DBF4B: variants seen among roughly 807,000 people sequenced by gnomAD.
The protein encoded by DBF4B is protein DBF4 homolog B.
DBF4B carries 49 observed loss-of-function variants against 53.4 expected under a neutral mutation model. The observed-to-expected ratio is 0.92, with a 90% confidence interval of 0.73 to 1.16. The LOEUF is 1.16. DBF4B is among the 50% of genes most tolerant of loss of function. The pLI is 0.00. For missense variants in DBF4B, 692 were observed against 775.0 expected, an observed-to-expected ratio of 0.89 and a Z score of 1.27; for synonymous variants, 257 against 288.7, an observed-to-expected ratio of 0.89 and a Z score of 1.11.
chr17:44,723,104 T>A (rs1307690446), intron 3 of DBF4B, 82 bp downstream of exon 3: 1 of 1,535,458 alleles, frequency 6.5e-7, no homozygotes, highest in African/African-American at 1.4e-5. Context: ...ATATCTATGG[T>A]TTCCAAGTAT....
At chr17:44,747,703 C>T (rs574714435) in intron 12 of DBF4B, among the ~76,000 whole-genome samples, 188 bp downstream of exon 12, 1 of 152,306 alleles carries the variant, frequency 6.6e-6, no homozygotes, top group East Asian at 1.9e-4. Context: ...AAAAGACCTC[C>T]ATTTGTGGCT....
chr17:44,735,099 A>G (rs900403346), intron 7 of DBF4B, among the ~76,000 whole-genome samples: 5 of 151,952 alleles, frequency 3.3e-5, no homozygotes, highest in East Asian at 1.9e-4. Context: ...TTCTGTCTCA[A>G]AAAAACATAA....
At chr17:44,743,897 C>T (rs1033972045) in intron 10 of DBF4B, among the ~76,000 whole-genome samples, 1 of 151,906 alleles carries the variant, frequency 6.6e-6, no homozygotes, top group Non-Finnish European at 1.5e-5. Flanking sequence ...TGTGGGCCAC[C>T]ACACCCAGCC....
At chr17:44,746,490 G>A (rs1976607862) in intron 10 of DBF4B, among the ~76,000 whole-genome samples, 3 of 152,072 alleles carry the variant, frequency 2.0e-5, no homozygotes, top group African/African-American at 7.2e-5. Flanking sequence ...TCTTGCTGCT[G>A]CCGTCACCAT....
intron 9 of DBF4B, among the ~76,000 whole-genome samples, chr17:44,739,799 C>T (rs951807255): frequency 6.6e-6 from 1 of 151,952 alleles, no homozygotes; most frequent in African/African-American, 2.4e-5. Flanking sequence ...GAGACGGAGT[C>T]TCACTCCATC....
At position 44,708,850 on chromosome 17, in the gene DBF4B, C is replaced by G. The variant is rs899620181; in HGVS notation, c.19+11C>G. On this transcript the variant is annotated intron_variant, in intron 1 of 13. Coordinates refer to ENST00000315005, the MANE Select transcript of DBF4B (RefSeq NM_145663.3). ...GCGAACCGGGAAAGGGTACGGATGCCGGGAAGGGGAGAAAGAAAGGCGGAA... is the reference window on the plus strand; with the variant it reads ...GCGAACCGGGAAAGGGTACGGATGCGGGGAAGGGGAGAAAGAAAGGCGGAA... 6.4e-7 allele frequency: 1 copy of G among 1,550,652 alleles called. No individual in the cohort carries two copies. Among genetic ancestry groups the G allele is most frequent in the Non-Finnish European group, 8.7e-7 (1 of 1,146,654 alleles).
At chr17:44,748,530 T>G in intron 13 of DBF4B, 65 bp downstream of exon 13, 3 of 1,606,254 alleles carry the variant, frequency 1.9e-6, no homozygotes, top group Non-Finnish European at 2.6e-6. Context: ...CAGGGACTGG[T>G]GAGGTACCTG....
chr17:44,727,669 C>G (rs986880988), intron 3 of DBF4B, among the ~76,000 whole-genome samples: 5 of 152,152 alleles, frequency 3.3e-5, no homozygotes, highest in Admixed American at 6.6e-5. Flanking sequence ...ACCAACCCTA[C>G]TTGGGCTTAA....
Position 44,730,096 on chromosome 17 carries a change from G to T in DBF4B, c.417G>T (p.Ser139=), listed in dbSNP as rs145385331. 14 of 1,611,972 alleles carry T rather than the reference G, an allele frequency of 8.7e-6. No individual in the cohort carries two copies. Among genetic ancestry groups the T allele is most frequent in the Non-Finnish European group, 1.2e-5 (14 of 1,179,868 alleles). Residue 139 remains serine, a splice_region_variant and synonymous_variant, in exon 4 of 14, where the codon TCG becomes TCT. Transcript: ENST00000315005. ...GGCCTTCACGGAAACCCGTTGACTC[G>T]GTAAGAACCTCATGTAGGAAAGGTA... ...HPRPSRKPVD[S]VPLSRGKELL...
At chr17:44,725,416 G>C (rs991019197) in intron 3 of DBF4B, among the ~76,000 whole-genome samples, 14 of 151,952 alleles carry the variant, frequency 9.2e-5, no homozygotes, top group Non-Finnish European at 1.8e-4. Flanking sequence ...TCTCATAATG[G>C]CTTAATTTAG....
At chr17:44,709,159 G>A in intron 1 of DBF4B, 145 bp from the exon 2 acceptor site, 6 of 1,072,368 alleles carry the variant, frequency 5.6e-6, no homozygotes, top group Non-Finnish European at 8.5e-6. Context: ...CGGGAGTCGC[G>A]GGATGTAGGT....
chr17:44,741,748 C>T (rs1209506762), intron 10 of DBF4B, among the ~76,000 whole-genome samples: 3 of 152,198 alleles, frequency 2.0e-5, no homozygotes, highest in African/African-American at 7.2e-5. Context: ...TGCTGAGATA[C>T]AGCACTCTTA....
intron 3 of DBF4B, among the ~76,000 whole-genome samples, chr17:44,727,590 C>G (rs1422054819): frequency 6.6e-6 from 1 of 152,214 alleles, no homozygotes; most frequent in East Asian, 1.9e-4. Flanking sequence ...GATTATATAA[C>G]CAAACTGGCC....
chr17:44,719,555 T>G (rs890032873), intron 2 of DBF4B, among the ~76,000 whole-genome samples: 2 of 152,240 alleles, frequency 1.3e-5, no homozygotes, highest in Admixed American at 6.5e-5. Context: ...TAGTCTTTTG[T>G]GACTGATTTC....
intron 6 of DBF4B, chr17:44,732,880 AT>A: frequency 7.0e-6 from 1 of 142,698 alleles, no homozygotes; most frequent in Non-Finnish European, 1.5e-5. Flanking sequence ...AAAAAAAAAA[AT>A]TCGGCCAGGT....
chr17:44,729,223 T>C (rs533516223), intron 3 of DBF4B, among the ~76,000 whole-genome samples: 7 of 152,038 alleles, frequency 4.6e-5, no homozygotes, highest in Non-Finnish European at 7.4e-5. Flanking sequence ...CTTTTTTTTT[T>C]AGAGACAGGA....
chr17:44,718,467 C>T (rs1223931868), intron 2 of DBF4B, among the ~76,000 whole-genome samples: 1 of 150,976 alleles, frequency 6.6e-6, no homozygotes, highest in Non-Finnish European at 1.5e-5. Flanking sequence ...AATTATATCT[C>T]GTTAGTCTCC....
At chr17:44,723,897 G>A (rs1974065766) in intron 3 of DBF4B, among the ~76,000 whole-genome samples, 1 of 152,204 alleles carries the variant, frequency 6.6e-6, no homozygotes, top group Admixed American at 6.5e-5. Flanking sequence ...GATCACTTGA[G>A]TCCAGGAGTT....
chr17:44,723,046 C>T (rs17682536), intron 3 of DBF4B, 24 bp downstream of exon 3: 127,260 of 1,612,662 alleles, frequency 0.079, 5,705 homozygotes, highest in Non-Finnish European at 0.089. Context: ...TCTTCTCCTG[C>T]GATGCCATGT....
Sources: gnomAD v4.1 joint callset for allele counts (sites outside exome capture counted in the v4.1 genomes callset) on GRCh38, gnomAD v4.1.1 for gene constraint, MANE v1.5 for transcripts, NCBI Gene and HGNC (gene_info 2026-07-23, HGNC 2026-07-21) for gene names.